RFTN2: variants seen among roughly 807,000 people sequenced by gnomAD.
RFTN2 encodes raftlin family member 2, also known as raftlin-2.
Under a neutral mutation model 52.7 loss-of-function variants are expected in RFTN2, and 34 were observed. The ratio of observed to expected loss-of-function variants is 0.64; its 90% confidence interval spans 0.49 to 0.86. The LOEUF is 0.86. Ranked by LOEUF, RFTN2 falls within the 40% of genes least tolerant of loss-of-function variation. RFTN2 has a pLI of 0.00. For missense variants in RFTN2, 536 were observed against 600.1 expected, an observed-to-expected ratio of 0.89 and a Z score of 1.12; for synonymous variants, 203 against 217.7, an observed-to-expected ratio of 0.93 and a Z score of 0.59.
chr2:197,659,639 A>G (rs1031897218), intron 1 of RFTN2, among the ~76,000 whole-genome samples: 10 of 152,020 alleles, frequency 6.6e-5, no homozygotes, highest in African/African-American at 2.4e-4. Context: ...CCAACATGGT[A>G]AAACCCTGTT....
At chr2:197,608,630 T>G in intron 7 of RFTN2, among the ~76,000 whole-genome samples, 1 of 149,862 alleles carries the variant, frequency 6.7e-6, no homozygotes, top group East Asian at 2.0e-4. Flanking sequence ...AGACTTTTTT[T>G]TTTTTTTTTT....
chr2:197,632,788 T>G (rs970552), intron 4 of RFTN2, among the ~76,000 whole-genome samples: 74,635 of 151,912 alleles, frequency 0.49, 18,967 homozygotes, highest in African/African-American at 0.58. Context: ...CTGCCATGTA[T>G]AGGATGCTAA....
At position 197,590,725 on chromosome 2, in the gene RFTN2, C is replaced by T. The variant is rs996073555; in HGVS notation, c.1233+5266G>A. On this transcript the variant is annotated intron_variant, in intron 8 of 8. Transcript: ENST00000295049. ...GGTCTCGCTGGTTCAGGAATGAACCCGCAGACCTCCACGGTGAGTGTTACA... is the reference window on the plus strand; with the variant it reads ...GGTCTCGCTGGTTCAGGAATGAACCTGCAGACCTCCACGGTGAGTGTTACA... 2.0e-5 allele frequency among the ~76,000 whole-genome samples: 3 copies of T among 152,140 alleles called. No homozygotes were observed. The East Asian group carries it at 5.8e-4, about 29-fold the overall frequency.
intron 3 of RFTN2, among the ~76,000 whole-genome samples, chr2:197,640,368 T>C (rs1295146781): frequency 6.6e-6 from 1 of 152,152 alleles, no homozygotes; most frequent in African/African-American, 2.4e-5. Context: ...CTCAGACTGC[T>C]GTGCTAGCAA....
At chr2:197,585,877 C>T (rs1445073508) in intron 8 of RFTN2, among the ~76,000 whole-genome samples, 1 of 152,142 alleles carries the variant, frequency 6.6e-6, no homozygotes, top group Non-Finnish European at 1.5e-5. Flanking sequence ...AAACCTTTCT[C>T]CTTATATCAA....
intron 7 of RFTN2, among the ~76,000 whole-genome samples, chr2:197,607,058 T>C (rs2087973369): frequency 6.6e-6 from 1 of 152,172 alleles, no homozygotes; most frequent in Non-Finnish European, 1.5e-5. Flanking sequence ...CTATTCACAA[T>C]AGCAAAGACT....
chr2:197,604,654 G>C (rs1275108048), intron 7 of RFTN2, among the ~76,000 whole-genome samples: 1 of 152,202 alleles, frequency 6.6e-6, no homozygotes, highest in Non-Finnish European at 1.5e-5. Context: ...TGCTTCTAGG[G>C]TGTGGGTGAT....
At chr2:197,600,819 GT>G (rs771401175) in intron 7 of RFTN2, among the ~76,000 whole-genome samples, 1 of 152,166 alleles carries the variant, frequency 6.6e-6, no homozygotes, top group Non-Finnish European at 1.5e-5. Context: ...TTCTGGTTCT[GT>G]TTTAGACTTT....
chr2:197,662,877 T>C (rs1290523288), intron 1 of RFTN2, among the ~76,000 whole-genome samples: 1 of 152,090 alleles, frequency 6.6e-6, no homozygotes, highest in Non-Finnish European at 1.5e-5. Context: ...GATCCTCCCA[T>C]GGCCTCCCAA....
chr2:197,634,438 C>T (rs74965164), intron 3 of RFTN2, among the ~76,000 whole-genome samples: 28,705 of 151,944 alleles, frequency 0.19, 2,829 homozygotes, highest in Middle Eastern at 0.28. Context: ...TATAGTTTTG[C>T]TTGTTTGATG....
chr2:197,581,969 C>G (rs528657023), intron 8 of RFTN2, among the ~76,000 whole-genome samples: 1 of 152,356 alleles, frequency 6.6e-6, no homozygotes, highest in South Asian at 2.1e-4. Context: ...TGCTCCCACA[C>G]TAGCTCTCCC....
intron 8 of RFTN2, among the ~76,000 whole-genome samples, chr2:197,589,867 T>G (rs186040065): frequency 1.7e-3 from 257 of 152,326 alleles, no homozygotes; most frequent in Non-Finnish European, 2.5e-3. Context: ...ATGAATTATA[T>G]TTTTTCAATT....
rs2088507365 is a variant in RFTN2 at position 197,633,838 on chromosome 2, C to G, written c.598G>C (p.Gly200Arg). The G allele has an allele frequency of 6.2e-7, 1 of 1,613,800 alleles. No individual in the cohort carries two copies. Residue 200 changes from glycine to arginine, a missense_variant, in exon 4 of 9, where the codon GGG becomes CGG. By Grantham distance (125) the Gly-to-Arg change is moderately radical (BLOSUM62 -2). Coordinates refer to ENST00000295049, the MANE Select transcript of RFTN2 (RefSeq NM_144629.3). ...TCAGATGACTGCCCACTTAACGTCC[C>G]TTCATTCCAACTTCTACAGTTTTCA... ...SDENCRSWNE[G>R]TLSGQSSESG...
At chr2:197,592,675 C>T (rs2106184201) in intron 8 of RFTN2, among the ~76,000 whole-genome samples, 1 of 152,290 alleles carries the variant, frequency 6.6e-6, no homozygotes, top group Admixed American at 6.5e-5. Flanking sequence ...ATAAACAAAG[C>T]AGTCTTCCCA....
intron 8 of RFTN2, among the ~76,000 whole-genome samples, chr2:197,593,695 T>C (rs2087751932): frequency 6.6e-6 from 1 of 152,058 alleles, no homozygotes; most frequent in East Asian, 1.9e-4. Flanking sequence ...AAGACCATCC[T>C]GGCCAACAAG....
chr2:197,633,641 T>C lies in RFTN2; in HGVS notation c.718+77A>G, dbSNP rs886334441. 4.4e-6 allele frequency: 5 copies of C among 1,130,180 alleles called. No individual in the cohort carries two copies. The African/African-American group carries it at 7.8e-5, about 18-fold the overall frequency. The allele number at this position is 1,130,180 out of a possible 1,614,324, so 70.0% of individuals were successfully genotyped here. A position where few individuals can be genotyped will look rare whatever the true frequency, so the allele number is the denominator to read the frequency against. On this transcript the variant is annotated intron_variant, in intron 4 of 8. Coordinates refer to ENST00000295049, the MANE Select transcript of RFTN2 (RefSeq NM_144629.3). The stretch of plus-strand genomic sequence containing the variant: ...ATCTTTAGCAATTTACTTTGACTCA[T>C]ATTTCTAAAAAAAACCTCAAAAACT...
chr2:197,650,961 G>A, intron 1 of RFTN2, among the ~76,000 whole-genome samples: 1 of 152,152 alleles, frequency 6.6e-6, no homozygotes, highest in Non-Finnish European at 1.5e-5. Context: ...TTGTTTCTTT[G>A]ATAGTAGCTA....
At chr2:197,605,506 C>T (rs557910461) in intron 7 of RFTN2, among the ~76,000 whole-genome samples, 42 of 152,082 alleles carry the variant, frequency 2.8e-4, no homozygotes, top group Non-Finnish European at 5.6e-4. Context: ...TGAGCCACCG[C>T]GCCTGGCCGA....
rs1379657954 is a variant in RFTN2 at position 197,636,443 on chromosome 2, G to A, written c.439-2446C>T. ...GCAGTGGTTTGTAGTTCTCCTTGAA[G>A]AGGTCCTTCACATCCCTTGTAAGTT... On this transcript the variant is annotated intron_variant, in intron 3 of 8. Coordinates refer to ENST00000295049, the MANE Select transcript of RFTN2 (RefSeq NM_144629.3). Among the ~76,000 whole-genome samples the A allele has an allele frequency of 4.6e-5, 6 of 130,372 alleles. No individual in the cohort carries two copies. The Admixed American group carries it at 4.9e-4, about 11-fold the overall frequency. 85.5% of individuals were successfully genotyped at this position (130,372 alleles called of 152,430 possible).
Sources: allele counts gnomAD v4.1 joint callset (sites outside exome capture counted in the v4.1 genomes callset), GRCh38; gene constraint gnomAD v4.1.1; transcripts MANE v1.5; gene names NCBI Gene and HGNC (gene_info 2026-07-23, HGNC 2026-07-21).